SYN3: variants seen among roughly 807,000 people sequenced by gnomAD.
The protein encoded by SYN3 is synapsin III.
A neutral mutation model predicts 65.8 loss-of-function variants in SYN3; 35 were observed. The observed-to-expected ratio is 0.53, with a 90% CI of 0.41 to 0.70. The LOEUF is 0.70. Ranked by LOEUF, SYN3 falls within the 30% of genes least tolerant of loss-of-function variation. The pLI, the probability that SYN3 is intolerant of heterozygous loss-of-function variation, is 0.00. For missense variants in SYN3, 680 were observed against 749.0 expected (o/e 0.91, Z 1.08); for synonymous variants, 270 against 292.9 (o/e 0.92, Z 0.80).
At chr22:32,652,781 G>C (rs2060091013) in intron 6 of SYN3, among the ~76,000 whole-genome samples, 2 of 152,168 alleles carry the variant, frequency 1.3e-5, no homozygotes, top group Non-Finnish European at 2.9e-5. Flanking sequence ...TCACTCCCTA[G>C]TTAGCGGCAG....
At chr22:33,007,949 T>G (rs2053240428) in intron 1 of SYN3, among the ~76,000 whole-genome samples, 1 of 152,212 alleles carries the variant, frequency 6.6e-6, no homozygotes, top group African/African-American at 2.4e-5. Flanking sequence ...AATTTTTTTT[T>G]TTTTTGAAAC....
At chr22:32,835,955 T>A (rs1293400331) in intron 6 of SYN3, among the ~76,000 whole-genome samples, 1 of 152,224 alleles carries the variant, frequency 6.6e-6, no homozygotes, top group Non-Finnish European at 1.5e-5. Context: ...TCTCTCATAA[T>A]TCAGTCTTGG....
At chr22:32,898,291 C>T (rs1237559804) in intron 4 of SYN3, among the ~76,000 whole-genome samples, 2 of 152,058 alleles carry the variant, frequency 1.3e-5, no homozygotes, top group East Asian at 3.9e-4. Flanking sequence ...CTGCGCCCGG[C>T]CCCAGCTATT....
At chr22:32,885,486 G>C (rs1007066387) in intron 4 of SYN3, among the ~76,000 whole-genome samples, 1 of 152,068 alleles carries the variant, frequency 6.6e-6, no homozygotes, top group Non-Finnish European at 1.5e-5. Flanking sequence ...TCGCTTTTAA[G>C]AAGCATGGTG....
chr22:32,860,165 C>G (rs2048496454), intron 6 of SYN3: 1 of 152,208 alleles, frequency 6.6e-6, no homozygotes, highest in African/African-American at 2.4e-5. Context: ...TACAAAAGCT[C>G]AGGTGAAAGA....
At chr22:32,571,243 C>T (rs2058754861) in intron 7 of SYN3, among the ~76,000 whole-genome samples, 1 of 152,122 alleles carries the variant, frequency 6.6e-6, no homozygotes, top group Non-Finnish European at 1.5e-5. Context: ...CCTTTCTTCT[C>T]CATTTCTCTC....
At chr22:33,010,311 A>G (rs2053318622) in intron 1 of SYN3, among the ~76,000 whole-genome samples, 1 of 152,018 alleles carries the variant, frequency 6.6e-6, no homozygotes, top group Non-Finnish European at 1.5e-5. Context: ...TTATAGTTCT[A>G]GCTTTTCTGT....
At chr22:32,816,910 C>T (rs1282110231) in intron 6 of SYN3, among the ~76,000 whole-genome samples, 2 of 152,140 alleles carry the variant, frequency 1.3e-5, no homozygotes, top group African/African-American at 2.4e-5. Flanking sequence ...GTGATCCTTG[C>T]ACCACCAATC....
At chr22:32,861,648 C>T (rs1294539365) in intron 6 of SYN3, 1 of 152,574 alleles carries the variant, frequency 6.6e-6, no homozygotes, top group Non-Finnish European at 1.5e-5. Context: ...AGTTTCCCTG[C>T]GGAGTCGATA....
intron 6 of SYN3, among the ~76,000 whole-genome samples, chr22:32,752,969 T>TC (rs1464441165): frequency 6.6e-6 from 1 of 151,944 alleles, no homozygotes; most frequent in African/African-American, 2.4e-5. Context: ...AGCTCCAGCC[T>TC]CCCCCAGAAC....
chr22:33,040,463 A>T (rs2053944033), intron 1 of SYN3, among the ~76,000 whole-genome samples: 1 of 152,188 alleles, frequency 6.6e-6, no homozygotes, highest in Admixed American at 6.5e-5. Flanking sequence ...GCATCCAATT[A>T]GTTCTCCTTC....
Position 32,533,784 on chromosome 22 carries a change from A to C in SYN3, c.1095+9T>G. ...ACCAGCCAGGAGGACTCCCTGCTTC[A>C]TCCCTCACCTCGATGATGTAATCTC... On this transcript the variant is annotated intron_variant, in intron 10 of 13. Coordinates refer to ENST00000358763, the MANE Select transcript of SYN3 (RefSeq NM_003490.4). The C allele has an allele frequency of 1.9e-6, 3 of 1,603,652 alleles. No homozygotes were observed. The highest frequency in any genetic ancestry group is 2.6e-6 in the Non-Finnish European group (3 of 1,171,132).
intron 4 of SYN3, among the ~76,000 whole-genome samples, chr22:32,903,468 T>C (rs1321176466): frequency 6.6e-6 from 1 of 152,172 alleles, no homozygotes; most frequent in Non-Finnish European, 1.5e-5. Flanking sequence ...TTGACAACTG[T>C]TCTGGGGCCT....
intron 1 of SYN3, among the ~76,000 whole-genome samples, chr22:33,028,694 G>GTGA (rs1569413513): frequency 6.1e-5 from 8 of 131,220 alleles, no homozygotes; most frequent in African/African-American, 8.8e-5. Flanking sequence ...GGTGGTGATG[G>GTGA]TGGTGGTGGT....
intron 7 of SYN3, among the ~76,000 whole-genome samples, chr22:32,550,693 G>C (rs992972103): frequency 5.4e-5 from 6 of 110,984 alleles, no homozygotes; most frequent in African/African-American, 1.7e-4. Flanking sequence ...AAAAGGCCTA[G>C]AAATGGCAAA....
At chr22:32,678,826 C>T (rs2060482988) in intron 6 of SYN3, among the ~76,000 whole-genome samples, 2 of 152,072 alleles carry the variant, frequency 1.3e-5, no homozygotes, top group African/African-American at 4.8e-5. Context: ...CTTTTTTAAA[C>T]TCTGAAATTT....
rs143308977 is a variant in SYN3, at chr22:32,511,631, A to G, written c.*2061T>C. On this transcript the variant is annotated 3_prime_UTR_variant, in exon 14 of 14. Coordinates refer to ENST00000358763, the MANE Select transcript of SYN3 (RefSeq NM_003490.4). ...GGTGGGCTTTTTGGGCGCTAGAAAGAGTACCAGGCCTTCACCTCTTCACCT... is the reference window on the plus strand; with the variant it reads ...GGTGGGCTTTTTGGGCGCTAGAAAGGGTACCAGGCCTTCACCTCTTCACCT... 2.3e-4 allele frequency among the ~76,000 whole-genome samples: 35 copies of G among 152,318 alleles called. 1 individual carries two copies. The East Asian group carries it at 6.6e-3, about 29-fold the overall frequency.
chr22:32,671,181 G>GCTAGGGA (rs746258756), intron 6 of SYN3, among the ~76,000 whole-genome samples: 202 of 152,170 alleles, frequency 1.3e-3, no homozygotes, highest in Non-Finnish European at 2.4e-3. Context: ...GGGTTAGGGT[G>GCTAGGGA]CTAGGGATCC....
At chr22:32,939,074 T>C (rs1451853165) in intron 3 of SYN3, among the ~76,000 whole-genome samples, 1 of 152,126 alleles carries the variant, frequency 6.6e-6, no homozygotes, top group Non-Finnish European at 1.5e-5. Context: ...CAATACAAAA[T>C]GAAGAGTTCT....
Sources: allele counts gnomAD v4.1 joint callset (sites outside exome capture counted in the v4.1 genomes callset), GRCh38; gene constraint gnomAD v4.1.1; transcripts MANE v1.5; gene names NCBI Gene and HGNC (gene_info 2026-07-23, HGNC 2026-07-21).